Variants in HIVEP3 observed in about 807,000 individuals in gnomAD.
The protein encoded by HIVEP3 is transcription factor HIVEP3.
HIVEP3 carries 49 observed loss-of-function variants against 152.8 expected under a neutral mutation model. That is an observed-to-expected ratio of 0.32 (90% CI 0.26 to 0.41). HIVEP3 has a LOEUF of 0.41. Among genes scored for constraint, HIVEP3 ranks in the 10% least tolerant of loss-of-function variants. The probability of loss-of-function intolerance (pLI) is 1.00; values close to 1 mark genes in which losing one functional copy is unlikely to be tolerated. For synonymous variants in HIVEP3, 1,269 were observed against 1,289.0 expected, an observed-to-expected ratio of 0.98 and a Z score of 0.33; for missense variants, 2,790 against 3,103.3, an observed-to-expected ratio of 0.90 and a Z score of 2.40.
At position 41,513,521 on chromosome 1, in the gene HIVEP3, A is replaced by T. The variant is rs1274237198; in HGVS notation, c.5700T>A (p.Pro1900=). ...CAGAGGCGGGGGCATCTGGGGGCTGAGGGCCCAGGATGGGTGAGGAGTCTG... is the reference window on the plus strand; with the variant it reads ...CAGAGGCGGGGGCATCTGGGGGCTGTGGGCCCAGGATGGGTGAGGAGTCTG... ...LRADSSPILG[P]QPPDAPASGT... Residue 1900 remains proline (P), a synonymous_variant, in exon 8 of 9, where the codon CCT becomes CCA. Transcript: ENST00000372583. The T allele has an allele frequency of 6.2e-6, 10 of 1,603,972 alleles. No individual in the cohort carries two copies. Among genetic ancestry groups the T allele is most frequent in the Non-Finnish European group, 8.5e-6 (10 of 1,175,510 alleles).
intron 2 of HIVEP3, among the ~76,000 whole-genome samples, chr1:41,658,899 C>A (rs542989269): frequency 6.6e-6 from 1 of 152,292 alleles, no homozygotes; most frequent in South Asian, 2.1e-4. Flanking sequence ...AACAGAGCAT[C>A]GAATTCTATA....
At chr1:41,552,605 T>TGTG (rs1372581441) in intron 5 of HIVEP3, among the ~76,000 whole-genome samples, 1 of 148,774 alleles carries the variant, frequency 6.7e-6, no homozygotes, top group East Asian at 2.0e-4. Flanking sequence ...ATTTTCTTAA[T>TGTG]CCAGTCTATC....
At chr1:41,519,611 A>G (rs1642702551) in intron 6 of HIVEP3, among the ~76,000 whole-genome samples, 1 of 152,234 alleles carries the variant, frequency 6.6e-6, no homozygotes, top group Non-Finnish European at 1.5e-5. Flanking sequence ...GCTCTGTCCC[A>G]TTAGTCTAAT....
chr1:41,953,651 C>A (rs1195938542), intron 1 of HIVEP3, among the ~76,000 whole-genome samples: 1 of 152,128 alleles, frequency 6.6e-6, no homozygotes, highest in Non-Finnish European at 1.5e-5. Context: ...TGAATGAGTA[C>A]ATGAATGAAT....
intron 1 of HIVEP3, among the ~76,000 whole-genome samples, chr1:41,916,877 C>T (rs1368259257): frequency 6.6e-6 from 1 of 152,064 alleles, no homozygotes; most frequent in Non-Finnish European, 1.5e-5. Flanking sequence ...CTGCAGGGGT[C>T]CTTCTCCTGG....
intron 1 of HIVEP3, among the ~76,000 whole-genome samples, chr1:42,035,630 G>C (rs982613538): frequency 1.2e-4 from 19 of 152,122 alleles, no homozygotes; most frequent in African/African-American, 4.6e-4. Context: ...CCCCAGCTGA[G>C]GGGGCCGGCG....
chr1:41,527,047 CTT>C (rs200324158), intron 5 of HIVEP3, among the ~76,000 whole-genome samples: 3 of 42,432 alleles, frequency 7.1e-5, no homozygotes, highest in Non-Finnish European at 1.7e-4. Context: ...CACACACCCT[CTT>C]CCTCACACAC....
Position 41,821,957 on chromosome 1 carries a change from G to A in HIVEP3, c.-801+96456C>T, listed in dbSNP as rs145355147. Among the ~76,000 whole-genome samples, 645 of 152,224 alleles carry A rather than the reference G, an allele frequency of 4.2e-3. 9 individuals are homozygous for A. The highest frequency in any genetic ancestry group is 0.015 in the African/African-American group (623 of 41,476). The stretch of plus-strand genomic sequence containing the variant: ...ATGCACAGGCCATTTTGATGTGAAG[G>A]TCCTCCTTCATTTATCCATTGCTGC... On this transcript the variant is annotated intron_variant, in intron 1 of 8. Coordinates refer to ENST00000372583, the MANE Select transcript of HIVEP3 (RefSeq NM_024503.5).
intron 1 of HIVEP3, among the ~76,000 whole-genome samples, chr1:41,743,112 GTGGGGTATGGGGTA>G (rs139882613): frequency 6.6e-6 from 1 of 151,768 alleles, no homozygotes; most frequent in South Asian, 2.1e-4. Context: ...AAAGGCTGCG[GTGGGGTATGGGGTA>G]TGGGGTATGG....
intron 1 of HIVEP3, among the ~76,000 whole-genome samples, chr1:41,776,727 CTTGTTCA>C (rs1648727608): frequency 6.6e-6 from 1 of 152,244 alleles, no homozygotes; most frequent in Admixed American, 6.5e-5. Context: ...ATTTCTGACT[CTTGTTCA>C]TTCTGGAGGC....
intron 1 of HIVEP3, among the ~76,000 whole-genome samples, chr1:41,790,006 C>A (rs191178398): frequency 1.1e-4 from 17 of 152,352 alleles, no homozygotes; most frequent in African/African-American, 3.8e-4. Flanking sequence ...GGAGTAAAAG[C>A]AACTCCTTTA....
chr1:41,791,329 G>C (rs182362082), intron 1 of HIVEP3, among the ~76,000 whole-genome samples: 80 of 152,308 alleles, frequency 5.3e-4, no homozygotes, highest in Non-Finnish European at 1.1e-3. Context: ...TGCTGAAACA[G>C]AGCATTTTGT....
chr1:41,538,283 TAG>T (rs2149067109), intron 5 of HIVEP3, among the ~76,000 whole-genome samples: 1 of 151,884 alleles, frequency 6.6e-6, no homozygotes, highest in East Asian at 1.9e-4. Flanking sequence ...ATTGTGACTG[TAG>T]AGAGCCCAGC....
chr1:41,609,684 T>C (rs1644871138), intron 3 of HIVEP3, among the ~76,000 whole-genome samples: 1 of 152,178 alleles, frequency 6.6e-6, no homozygotes, highest in African/African-American at 2.4e-5. Flanking sequence ...ACCTCTCTCA[T>C]TCCCTCCATC....
At chr1:41,877,985 T>A (rs1644197696) in intron 1 of HIVEP3, among the ~76,000 whole-genome samples, 2 of 152,260 alleles carry the variant, frequency 1.3e-5, no homozygotes, top group Middle Eastern at 3.4e-3. Context: ...AGAGAAAGGA[T>A]GAAGACATAA....
At chr1:41,932,928 C>T (rs530311215) in intron 1 of HIVEP3, among the ~76,000 whole-genome samples, 3 of 151,918 alleles carry the variant, frequency 2.0e-5, no homozygotes, top group African/African-American at 7.2e-5. Flanking sequence ...CTTCCTCTGA[C>T]ATATGGTTTA....
At chr1:41,785,370 C>CT (rs1649287692) in intron 1 of HIVEP3, among the ~76,000 whole-genome samples, 1 of 152,202 alleles carries the variant, frequency 6.6e-6, no homozygotes, top group African/African-American at 2.4e-5. Context: ...ATTTTACATA[C>CT]TTCGAGCAAA....
intron 1 of HIVEP3, among the ~76,000 whole-genome samples, chr1:41,793,532 CCCA>C (rs1353522624): frequency 6.6e-6 from 1 of 152,134 alleles, no homozygotes; most frequent in East Asian, 1.9e-4. Context: ...CCATGCCTTT[CCCA>C]CCACATCATA....
intron 5 of HIVEP3, among the ~76,000 whole-genome samples, chr1:41,559,773 G>A (rs1472479744): frequency 6.6e-6 from 1 of 152,216 alleles, no homozygotes; most frequent in Non-Finnish European, 1.5e-5. Context: ...GGCAAATGAG[G>A]AATTACGATT....
Sources: gnomAD v4.1 joint callset for allele counts (sites outside exome capture counted in the v4.1 genomes callset) on GRCh38, gnomAD v4.1.1 for gene constraint, MANE v1.5 for transcripts, NCBI Gene and HGNC (gene_info 2026-07-23, HGNC 2026-07-21) for gene names.